Variants in HIPK2 observed in about 807,000 individuals in gnomAD.
HIPK2 encodes the protein homeodomain interacting protein kinase 2, also known as homeodomain-interacting protein kinase 2.
A neutral mutation model predicts 113.7 loss-of-function variants in HIPK2; 27 were observed. The observed-to-expected ratio is 0.24, with a 90% CI of 0.17 to 0.33. The LOEUF (loss-of-function observed/expected upper bound fraction) is 0.33, where lower values mean the gene tolerates loss of function less well. Ranked by LOEUF, HIPK2 falls within the 10% of genes least tolerant of loss-of-function variation. The pLI is 1.00. For missense variants in HIPK2, 1,257 were observed against 1,588.0 expected (o/e 0.79, Z 3.54); for synonymous variants, 631 against 642.2 (o/e 0.98, Z 0.26).
chr7:139,603,684 T>C (rs939964703), intron 10 of HIPK2, among the ~76,000 whole-genome samples: 2 of 152,172 alleles, frequency 1.3e-5, no homozygotes, highest in African/African-American at 2.4e-5. Context: ...CTTTCTAGAA[T>C]TGCTTAGGGC....
intron 1 of HIPK2, among the ~76,000 whole-genome samples, chr7:139,729,040 G>A (rs1423835496): frequency 6.6e-6 from 1 of 151,970 alleles, no homozygotes; most frequent in East Asian, 1.9e-4. Flanking sequence ...AAAGAGAATT[G>A]GAGCCAGGTT....
rs1290947391 is a variant in HIPK2, at chr7:139,630,092, C to CA, written c.1348-1054dup. Among the ~76,000 whole-genome samples the CA allele has an allele frequency of 6.6e-6, 1 of 151,626 alleles. No individual in the cohort carries two copies. Among genetic ancestry groups the CA allele is most frequent in the Non-Finnish European group, 1.5e-5 (1 of 67,896 alleles). ...AAACAAACACCCACCCACCCTGCTGCAAAAAAAGAAATACCTAAAATGAAA... is the reference window on the plus strand; with the variant it reads ...AAACAAACACCCACCCACCCTGCTGCAAAAAAAAGAAATACCTAAAATGAAA... On this transcript the variant is annotated intron_variant, in intron 4 of 14. Coordinates refer to ENST00000406875, the MANE Select transcript of HIPK2 (RefSeq NM_022740.5). The surrounding 1 kb of genome is among the most constrained non-coding windows in gnomAD (Gnocchi z 4.0).
chr7:139,644,871 G>A (rs774609513), intron 2 of HIPK2, among the ~76,000 whole-genome samples: 33 of 152,208 alleles, frequency 2.2e-4, no homozygotes, highest in Non-Finnish European at 4.6e-4. Flanking sequence ...TGAGATGTGA[G>A]GCTGGGGAAA....
At chr7:139,680,600 C>A (rs540392302) in intron 2 of HIPK2, among the ~76,000 whole-genome samples, 35 of 152,346 alleles carry the variant, frequency 2.3e-4, no homozygotes, top group African/African-American at 7.9e-4. Context: ...GTGTCCAAAA[C>A]TGGCTTGAAG....
At chr7:139,619,157 C>T (rs1400023878) in intron 7 of HIPK2, among the ~76,000 whole-genome samples, 3 of 152,002 alleles carry the variant, frequency 2.0e-5, no homozygotes, top group Non-Finnish European at 4.4e-5. Context: ...CAATGTGCCA[C>T]AAGGATGGCC....
intron 13 of HIPK2, among the ~76,000 whole-genome samples, chr7:139,582,680 C>T (rs763476117): frequency 1.2e-4 from 19 of 152,240 alleles, no homozygotes; most frequent in Non-Finnish European, 4.4e-5. Flanking sequence ...AAGTAGGTGG[C>T]GGGGAGCGCA....
chr7:139,587,334 A>AAAAATTAGCCGGGAGTGGTGGTGGGG (rs1798865436), intron 12 of HIPK2, among the ~76,000 whole-genome samples: 1 of 151,582 alleles, frequency 6.6e-6, no homozygotes, highest in Non-Finnish European at 1.5e-5. Flanking sequence ...TACTAAAAAT[A>AAAAATTAGCCGGGAGTGGTGGTGGGG]CCAAAAATTA....
Position 139,627,335 on chromosome 7 carries a change from T to TATGTATGC in HIPK2, c.1435-551_1435-550insGCATACAT, listed in dbSNP as rs1554432124. ...GTATGTATGTATGTATGTATGTATG[T>TATGTATGC]ATGCATGTATTTAACCTTTAGAGGG... On this transcript the variant is annotated intron_variant, in intron 5 of 14. Coordinates refer to ENST00000406875, the MANE Select transcript of HIPK2 (RefSeq NM_022740.5). 3.1e-4 allele frequency among the ~76,000 whole-genome samples: 47 copies of TATGTATGC among 151,366 alleles called. 1 individual carries two copies. Among genetic ancestry groups the TATGTATGC allele is most frequent in the Middle Eastern group, 3.4e-3 (1 of 294 alleles).
At chr7:139,654,632 T>C (rs181188991) in intron 2 of HIPK2, among the ~76,000 whole-genome samples, 1 of 152,318 alleles carries the variant, frequency 6.6e-6, no homozygotes, top group Admixed American at 6.5e-5. Flanking sequence ...GCTTGAGGCT[T>C]CACCAAGCCC....
intron 13 of HIPK2, 160 bp downstream of exon 13, chr7:139,583,657 C>T (rs1357549953): frequency 9.5e-7 from 1 of 1,048,712 alleles, no homozygotes; most frequent in Non-Finnish European, 1.4e-6. Context: ...CAGCAGAAGC[C>T]TCCCCTGGAT....
At chr7:139,588,375 G>A (rs1467111901) in intron 12 of HIPK2, among the ~76,000 whole-genome samples, 1 of 151,528 alleles carries the variant, frequency 6.6e-6, no homozygotes, top group African/African-American at 2.4e-5. Context: ...AACAATCCTG[G>A]GTGTGGTGGC....
intron 11 of HIPK2, among the ~76,000 whole-genome samples, chr7:139,599,651 A>C (rs1799349728): frequency 6.6e-6 from 1 of 152,236 alleles, no homozygotes; most frequent in Non-Finnish European, 1.5e-5. Context: ...TTCTGATCTT[A>C]GATACAAAGA....
At chr7:139,589,023 G>A (rs1055001021) in intron 12 of HIPK2, among the ~76,000 whole-genome samples, 13 of 152,196 alleles carry the variant, frequency 8.5e-5, no homozygotes, top group African/African-American at 3.1e-4. Context: ...TCTGTTGCAG[G>A]TGCCCATTCT....
intron 2 of HIPK2, among the ~76,000 whole-genome samples, chr7:139,640,727 G>A (rs1005256945): frequency 1.3e-5 from 2 of 151,768 alleles, no homozygotes; most frequent in African/African-American, 2.4e-5. Flanking sequence ...TTGGTTGACC[G>A]CACCTTCCAC....
intron 1 of HIPK2, among the ~76,000 whole-genome samples, chr7:139,738,887 A>AC (rs773467276): frequency 5.3e-5 from 8 of 152,184 alleles, no homozygotes; most frequent in Non-Finnish European, 1.0e-4. Flanking sequence ...AGGGAATGGA[A>AC]CCCAGGATGT....
At position 139,572,894 on chromosome 7, in the gene HIPK2, T is replaced by TGCCGA; in HGVS notation, c.*32_*33insTCGGC. 1.8e-6 allele frequency: 1 copy of TGCCGA among 554,278 alleles called. No individual in the cohort carries two copies. Among genetic ancestry groups the TGCCGA allele is most frequent in the Non-Finnish European group, 3.3e-6 (1 of 302,510 alleles). The allele number at this position is 554,278 out of a possible 1,614,324, so 34.3% of individuals were successfully genotyped here. On this transcript the variant is annotated 3_prime_UTR_variant, in exon 15 of 15. Coordinates refer to ENST00000406875, the MANE Select transcript of HIPK2 (RefSeq NM_022740.5). ...CTCCCTCCTCCCTCGGGCCATTCTC[T>TGCCGA]CCCTCCCTCCCTCCCTCCCTCCCCT... is the stretch of plus-strand genomic sequence containing the variant.
intron 2 of HIPK2, among the ~76,000 whole-genome samples, chr7:139,654,526 CAAAA>C (rs1017360010): frequency 6.6e-6 from 1 of 152,048 alleles, no homozygotes; most frequent in Non-Finnish European, 1.5e-5. Flanking sequence ...AACAAACAAA[CAAAA>C]AACCCCCAAA....
chr7:139,661,399 G>A (rs1277187232), intron 2 of HIPK2, among the ~76,000 whole-genome samples: 1 of 152,192 alleles, frequency 6.6e-6, no homozygotes, highest in African/African-American at 2.4e-5. Context: ...CTGGAGAAGT[G>A]CAGGATAAGT....
chr7:139,728,152 A>T (rs1795645010), intron 1 of HIPK2, among the ~76,000 whole-genome samples: 1 of 152,062 alleles, frequency 6.6e-6, no homozygotes. Flanking sequence ...TATGTTGTCC[A>T]GGCTGGTCTC....
Sources: allele counts gnomAD v4.1 joint callset (sites outside exome capture counted in the v4.1 genomes callset), GRCh38; gene constraint gnomAD v4.1.1; non-coding constraint Gnocchi (gnomAD v3.1); transcripts MANE v1.5; gene names NCBI Gene and HGNC (gene_info 2026-07-23, HGNC 2026-07-21).